The following GRID2 variants were observed in gnomAD, a reference collection of about 807,000 sequenced individuals.
The protein encoded by GRID2 is glutamate ionotropic receptor delta type subunit 2.
A neutral mutation model predicts 114.8 loss-of-function variants in GRID2; 33 were observed. That is an observed-to-expected ratio of 0.29 (90% CI 0.22 to 0.38). The LOEUF is 0.38. Among genes scored for constraint, GRID2 ranks in the 10% least tolerant of loss-of-function variants. GRID2 has a pLI of 1.00. For missense variants in GRID2, 1,184 were observed against 1,257.7 expected (o/e 0.94, Z 0.89); for synonymous variants, 505 against 449.9 (o/e 1.12, Z -1.55).
At chr4:92,544,457 G>C (rs1465274306) in intron 1 of GRID2, among the ~76,000 whole-genome samples, 3 of 152,018 alleles carry the variant, frequency 2.0e-5, no homozygotes, top group Non-Finnish European at 2.9e-5. Context: ...ATGTGGTTGC[G>C]CCAGAGCATT....
intron 1 of GRID2, among the ~76,000 whole-genome samples, chr4:92,310,205 A>G (rs892187787): frequency 2.6e-5 from 4 of 152,014 alleles, no homozygotes; most frequent in South Asian, 2.1e-4. Flanking sequence ...ACTCATAACT[A>G]TTCTCACATA....
intron 8 of GRID2, among the ~76,000 whole-genome samples, chr4:93,242,429 T>C (rs535031904): frequency 6.6e-6 from 1 of 152,156 alleles, no homozygotes; most frequent in Non-Finnish European, 1.5e-5. Flanking sequence ...TTTAAATTAA[T>C]GTAGGCTTGA....
rs1424190091 is a variant in GRID2 at position 93,079,436 on chromosome 4, T to C, written c.245-5559T>C. ...TTATATCTAGGAGGCTGAATTTTTC[T>C]GAATTTTGTAATAAGGGAGAGTTAA... On this transcript the variant is annotated intron_variant, in intron 2 of 15. Transcript: ENST00000282020. Among the ~76,000 whole-genome samples, 3 of 151,900 alleles carry C rather than the reference T, an allele frequency of 2.0e-5. 1 individual carries two copies. Among genetic ancestry groups the C allele is most frequent in the Middle Eastern group, 6.3e-3 (2 of 316 alleles).
intron 2 of GRID2, among the ~76,000 whole-genome samples, chr4:92,651,694 C>T (rs944635325): frequency 6.6e-6 from 1 of 152,070 alleles, no homozygotes; most frequent in African/African-American, 2.4e-5. Flanking sequence ...GGCTACAGCC[C>T]ATGAATTGAT....
intron 14 of GRID2, among the ~76,000 whole-genome samples, chr4:93,746,947 G>C (rs188636383): frequency 1.3e-5 from 2 of 151,920 alleles, no homozygotes; most frequent in African/African-American, 2.4e-5. Context: ...AAGGATTAGA[G>C]AATTTTTTTC....
At chr4:92,884,657 G>C (rs1428854391) in intron 2 of GRID2, 1 of 168,502 alleles carries the variant, frequency 5.9e-6, no homozygotes, top group African/African-American at 2.4e-5. Flanking sequence ...AGGGAATAGG[G>C]AGGCCTATTG....
chr4:92,524,407 CTTTT>C (rs869060153), intron 1 of GRID2, among the ~76,000 whole-genome samples: 11 of 106,560 alleles, frequency 1.0e-4, no homozygotes, highest in African/African-American at 3.6e-4. Context: ...ATTTCCTTGT[CTTTT>C]TTTTTTTTTT....
intron 2 of GRID2, among the ~76,000 whole-genome samples, chr4:92,931,281 G>A (rs775478632): frequency 6.6e-6 from 1 of 150,774 alleles, no homozygotes; most frequent in Admixed American, 6.6e-5. Context: ...AGCCTGACAT[G>A]ACACTCATTT....
chr4:92,428,065 A>G (rs2110335702), intron 1 of GRID2, among the ~76,000 whole-genome samples: 1 of 152,192 alleles, frequency 6.6e-6, no homozygotes, highest in South Asian at 2.1e-4. Context: ...GATCAAGACC[A>G]TCCTGGCTAA....
At chr4:92,919,108 A>AT (rs1578470342) in intron 2 of GRID2, among the ~76,000 whole-genome samples, 1 of 151,618 alleles carries the variant, frequency 6.6e-6, no homozygotes, top group African/African-American at 2.4e-5. Flanking sequence ...GAATTTATCC[A>AT]TTTTTTCTAG....
At chr4:93,101,424 C>T (rs1268107107) in intron 3 of GRID2, among the ~76,000 whole-genome samples, 1 of 152,028 alleles carries the variant, frequency 6.6e-6, no homozygotes, top group Admixed American at 6.6e-5. Flanking sequence ...CTTAACCCCT[C>T]TACCCTTCTT....
intron 2 of GRID2, among the ~76,000 whole-genome samples, chr4:92,978,825 G>C (rs1033171549): frequency 6.6e-6 from 1 of 152,048 alleles, no homozygotes; most frequent in Admixed American, 6.6e-5. Flanking sequence ...TGGGGCCCGA[G>C]ACCAGTTGGG....
intron 2 of GRID2, among the ~76,000 whole-genome samples, chr4:93,009,798 C>G (rs1336218200): frequency 6.6e-6 from 1 of 151,980 alleles, no homozygotes; most frequent in Non-Finnish European, 1.5e-5. Context: ...ACAGTGTTGT[C>G]TTATATTAAA....
At chr4:93,555,964 C>T (rs1046917578) in intron 13 of GRID2, among the ~76,000 whole-genome samples, 13 of 152,176 alleles carry the variant, frequency 8.5e-5, no homozygotes, top group African/African-American at 3.1e-4. Flanking sequence ...CCCAGGCAAA[C>T]GGAGTCTGGA....
At position 93,493,893 on chromosome 4, in the gene GRID2, TG is replaced by T. The variant is rs143327498; in HGVS notation, c.1997+3119del. ...AACTGGCATTATTAAAAGTCATCAG[TG>T]GGTATAATAAATCTCTACTTCCTTG... On this transcript the variant is annotated intron_variant, in intron 12 of 15. Transcript: ENST00000282020. Among the ~76,000 whole-genome samples the T allele has an allele frequency of 7.3e-3, 1,107 of 151,926 alleles. 8 individuals are homozygous for T. The highest frequency in any genetic ancestry group is 0.018 in the East Asian group (92 of 5,128).
chr4:93,458,896 T>C (rs562221430), intron 11 of GRID2, among the ~76,000 whole-genome samples: 96 of 151,858 alleles, frequency 6.3e-4, no homozygotes, highest in Non-Finnish European at 1.2e-3. Flanking sequence ...AGGGTAGAAA[T>C]TGATAGAGTA....
In GRID2 at chr4:92,490,268, T is replaced by A. The variant is rs865780050; in HGVS notation, c.89-99863T>A. On this transcript the variant is annotated intron_variant, in intron 1 of 15. Transcript: ENST00000282020. ...ATCGTATTCAAAATTAAAAGATGCATTTGGATGGTGTAGGTTTGTGAGAAC... is the reference window on the plus strand; with the variant it reads ...ATCGTATTCAAAATTAAAAGATGCAATTGGATGGTGTAGGTTTGTGAGAAC... Among the ~76,000 whole-genome samples, 4 of 152,274 alleles carry A rather than the reference T, an allele frequency of 2.6e-5. No homozygotes were observed. The South Asian group carries it at 8.3e-4, about 32-fold the overall frequency.
intron 6 of GRID2, among the ~76,000 whole-genome samples, chr4:93,217,930 T>A (rs925813826): frequency 4.6e-5 from 7 of 152,028 alleles, no homozygotes; most frequent in African/African-American, 1.7e-4. Context: ...AACATTTTAG[T>A]ACTTAGAGAT....
At chr4:93,005,361 C>G (rs1160838727) in intron 2 of GRID2, among the ~76,000 whole-genome samples, 1 of 152,028 alleles carries the variant, frequency 6.6e-6, no homozygotes, top group Non-Finnish European at 1.5e-5. Flanking sequence ...ACCAAATTCT[C>G]TGACTTTCCA....
Sources: allele counts gnomAD v4.1 joint callset (sites outside exome capture counted in the v4.1 genomes callset), GRCh38; gene constraint gnomAD v4.1.1; transcripts MANE v1.5; gene names NCBI Gene and HGNC (gene_info 2026-07-23, HGNC 2026-07-21).